APBB1IP: variants seen among roughly 807,000 people sequenced by gnomAD.
The protein encoded by APBB1IP is amyloid beta A4 precursor protein-binding family B member 1-interacting protein.
In APBB1IP, 27 loss-of-function variants were observed where a neutral mutation model predicts 64.9. The ratio of observed to expected loss-of-function variants is 0.42; its 90% CI spans 0.31 to 0.57. The LOEUF (loss-of-function observed/expected upper bound fraction) is 0.57, where lower values mean the gene tolerates loss of function less well. APBB1IP is among the 20% of genes least tolerant of loss of function. The pLI, the probability that APBB1IP is intolerant of heterozygous loss-of-function variation, is 0.20. For missense variants in APBB1IP, 812 were observed against 845.5 expected, an observed-to-expected ratio of 0.96 and a Z score of 0.49; for synonymous variants, 392 against 331.0, an observed-to-expected ratio of 1.18 and a Z score of -2.00.
At chr10:26,489,048 A>G (rs1835925602) in intron 2 of APBB1IP, among the ~76,000 whole-genome samples, 1 of 152,232 alleles carries the variant, frequency 6.6e-6, no homozygotes, top group African/African-American at 2.4e-5. Context: ...CTCCTGGCCA[A>G]CACAGTTTTA....
intron 2 of APBB1IP, among the ~76,000 whole-genome samples, chr10:26,452,811 C>T (rs10047360): frequency 0.4 from 60,637 of 151,802 alleles, 12,241 homozygotes; most frequent in South Asian, 0.5. Flanking sequence ...ATTTTTCAAC[C>T]CTCCATATTT....
chr10:26,501,100 C>T lies in APBB1IP; in HGVS notation c.442C>T (p.Pro148Ser). 6.2e-7 allele frequency: 1 copy of T among 1,614,182 alleles called. No individual in the cohort carries two copies. The highest frequency in any genetic ancestry group is 8.5e-7 in the Non-Finnish European group (1 of 1,180,030). ...DLPLPPPPPE[P>S]LSQEEEEAQA... ...TCCACTGCCACCACCACCTCCTGAA[C>T]CTCTCTCTCAGGTAAGTATGTGGGA... Residue 148 changes from proline to serine, a missense_variant, in exon 5 of 15, where the codon CCT becomes TCT. By Grantham distance (74) the Pro-to-Ser change is moderately conservative. Around this residue, in one of 3 missense-constraint regions of APBB1IP, gnomAD observed 394 missense variants for 413.1 expected, o/e 0.95. Transcript: ENST00000376236.
intron 6 of APBB1IP, among the ~76,000 whole-genome samples, chr10:26,506,537 T>C (rs12414310): frequency 6.6e-6 from 1 of 152,128 alleles, no homozygotes; most frequent in Non-Finnish European, 1.5e-5. Context: ...CATGTAATAA[T>C]AGTTAAAATA....
At chr10:26,461,365 T>C (rs2132406722) in intron 2 of APBB1IP, among the ~76,000 whole-genome samples, 1 of 152,330 alleles carries the variant, frequency 6.6e-6, no homozygotes, top group Middle Eastern at 3.4e-3. Context: ...ATACGACTCA[T>C]TAAATACTCT....
At chr10:26,565,318 C>A (rs529093283) in intron 14 of APBB1IP, among the ~76,000 whole-genome samples, 8 of 152,228 alleles carry the variant, frequency 5.3e-5, no homozygotes, top group Non-Finnish European at 1.0e-4. Flanking sequence ...CAACTCAGAC[C>A]AAGAAAAAAT....
intron 6 of APBB1IP, among the ~76,000 whole-genome samples, chr10:26,511,151 G>A (rs1329981648): frequency 1.3e-5 from 2 of 151,996 alleles, no homozygotes; most frequent in South Asian, 2.1e-4. Context: ...GACCAGCCTG[G>A]CTAACATGGT....
At chr10:26,472,481 G>C (rs1835730211) in intron 2 of APBB1IP, among the ~76,000 whole-genome samples, 1 of 152,178 alleles carries the variant, frequency 6.6e-6, no homozygotes, top group Admixed American at 6.5e-5. Flanking sequence ...CTCCTGCACT[G>C]ATAACCAGGG....
chr10:26,507,190 C>T (rs559959458), intron 6 of APBB1IP, among the ~76,000 whole-genome samples: 31 of 152,160 alleles, frequency 2.0e-4, no homozygotes, highest in African/African-American at 5.1e-4. Context: ...GACGAATACA[C>T]GGCTTTTAAA....
intron 2 of APBB1IP, among the ~76,000 whole-genome samples, chr10:26,447,056 T>TG (rs1445890405): frequency 6.6e-6 from 1 of 151,444 alleles, no homozygotes; most frequent in African/African-American, 2.4e-5. Context: ...GATCAAGAGG[T>TG]GCTTTGAAGG....
At chr10:26,484,928 A>G (rs1835874049) in intron 2 of APBB1IP, among the ~76,000 whole-genome samples, 1 of 152,322 alleles carries the variant, frequency 6.6e-6, no homozygotes, top group Middle Eastern at 3.4e-3. Context: ...ATGATGATTA[A>G]CCTATTACTT....
chr10:26,464,698 C>A (rs999419715), intron 2 of APBB1IP, among the ~76,000 whole-genome samples: 1 of 152,208 alleles, frequency 6.6e-6, no homozygotes, highest in Non-Finnish European at 1.5e-5. Context: ...CGTGAGCCAC[C>A]ATGCCCAGAC....
At chr10:26,517,058 C>A (rs1316711185) in intron 8 of APBB1IP, among the ~76,000 whole-genome samples, 1 of 152,176 alleles carries the variant, frequency 6.6e-6, no homozygotes, top group Non-Finnish European at 1.5e-5. Flanking sequence ...TGGCTTGCTG[C>A]CTGCAGGAAG....
At chr10:26,450,247 T>A (rs1474603815) in intron 2 of APBB1IP, among the ~76,000 whole-genome samples, 1 of 152,218 alleles carries the variant, frequency 6.6e-6, no homozygotes, top group Non-Finnish European at 1.5e-5. Flanking sequence ...GCACTTAGAA[T>A]AATGCCTGGC....
intron 2 of APBB1IP, among the ~76,000 whole-genome samples, chr10:26,472,135 C>T (rs981728416): frequency 1.3e-5 from 2 of 152,156 alleles, no homozygotes; most frequent in Admixed American, 1.3e-4. Context: ...CCTCACCCCA[C>T]AGAAAAGCAA....
At chr10:26,449,868 A>G (rs1027009373) in intron 2 of APBB1IP, among the ~76,000 whole-genome samples, 5 of 152,104 alleles carry the variant, frequency 3.3e-5, no homozygotes, top group African/African-American at 1.2e-4. Flanking sequence ...AAAGCCAGAC[A>G]TGGTGGCATT....
At chr10:26,529,791 C>G (rs1471536119) in intron 8 of APBB1IP, among the ~76,000 whole-genome samples, 1 of 152,166 alleles carries the variant, frequency 6.6e-6, no homozygotes, top group Non-Finnish European at 1.5e-5. Flanking sequence ...CAGGCGCCCA[C>G]CACCAAACCC....
intron 2 of APBB1IP, among the ~76,000 whole-genome samples, chr10:26,471,182 C>T (rs1229958178): frequency 6.6e-6 from 1 of 152,104 alleles, no homozygotes; most frequent in African/African-American, 2.4e-5. Context: ...TCTGTCCTTG[C>T]CTCTGGACAA....
chr10:26,543,491 GA>G (rs71521691), intron 11 of APBB1IP, among the ~76,000 whole-genome samples: 39,092 of 148,690 alleles, frequency 0.26, 6,075 homozygotes, highest in Non-Finnish European at 0.34. Context: ...AAAAGAAAAA[GA>G]AAAAAAATGT....
At chr10:26,539,602 G>C (rs1469102451) in intron 10 of APBB1IP, among the ~76,000 whole-genome samples, 1 of 152,078 alleles carries the variant, frequency 6.6e-6, no homozygotes, top group Non-Finnish European at 1.5e-5. Flanking sequence ...TTATAACGGA[G>C]AAAAATGGCC....
Sources: gnomAD v4.1 joint callset for allele counts (sites outside exome capture counted in the v4.1 genomes callset) on GRCh38, gnomAD v4.1.1 for gene constraint, gnomAD v4.1.1 regional missense constraint, MANE v1.5 for transcripts, NCBI Gene and HGNC (gene_info 2026-07-23, HGNC 2026-07-21) for gene names.